PTPRG: variants seen among roughly 807,000 people sequenced by gnomAD.
PTPRG encodes the protein receptor-type tyrosine-protein phosphatase gamma.
A neutral mutation model predicts 165.3 loss-of-function variants in PTPRG; 102 were observed. The observed-to-expected ratio is 0.62, with a 90% CI of 0.53 to 0.73. PTPRG has a LOEUF of 0.73. Ranked by LOEUF, PTPRG falls within the 30% of genes least tolerant of loss-of-function variation. The pLI is 0.00. For missense variants in PTPRG, 1,866 were observed against 1,861.4 expected (o/e 1.00, Z -0.05); for synonymous variants, 675 against 669.5 (o/e 1.01, Z -0.13).
intron 2 of PTPRG, among the ~76,000 whole-genome samples, chr3:61,930,164 A>G (rs1385546641): frequency 6.6e-6 from 1 of 152,094 alleles, no homozygotes; most frequent in Non-Finnish European, 1.5e-5. Flanking sequence ...CACTGTATCT[A>G]TAAATACAGC....
intron 2 of PTPRG, among the ~76,000 whole-genome samples, chr3:61,752,420 G>A (rs1033813762): frequency 6.6e-6 from 1 of 152,078 alleles, no homozygotes; most frequent in Non-Finnish European, 1.5e-5. Context: ...CAGTAATGTT[G>A]AATATCTAGT....
chr3:61,816,738 G>C (rs893238911), intron 2 of PTPRG, among the ~76,000 whole-genome samples: 4 of 151,748 alleles, frequency 2.6e-5, no homozygotes, highest in African/African-American at 9.7e-5. Context: ...CAGCGGTCTT[G>C]ATGAGATATG....
At chr3:62,055,303 T>TA (rs1700597650) in intron 4 of PTPRG, among the ~76,000 whole-genome samples, 1 of 152,154 alleles carries the variant, frequency 6.6e-6, no homozygotes, top group South Asian at 2.1e-4. Flanking sequence ...CAAAATGTGT[T>TA]AAAAAATGTA....
At chr3:62,174,448 T>C (rs1051144677) in intron 8 of PTPRG, among the ~76,000 whole-genome samples, 13 of 152,234 alleles carry the variant, frequency 8.5e-5, no homozygotes, top group African/African-American at 3.1e-4. Context: ...TTTTTGCCTC[T>C]GCTGATGGAG....
Position 62,271,609 on chromosome 3 carries a change from A to T in PTPRG, c.3182+54A>T. 1 of 1,520,874 alleles carries T rather than the reference A, an allele frequency of 6.6e-7. No individual in the cohort carries two copies. Among genetic ancestry groups the T allele is most frequent in the Non-Finnish European group, 8.9e-7 (1 of 1,119,892 alleles). 94.2% of individuals were successfully genotyped at this position (1,520,874 alleles called of 1,614,324 possible). A position where few individuals can be genotyped will look rare whatever the true frequency, so the allele number is the denominator to read the frequency against. ...AGATGGGGCAGGGGACTTAGGCCTC[A>T]GTGACCTTGGACCACAATGATTGCT... On this transcript the variant is annotated intron_variant, in intron 21 of 29. Coordinates refer to ENST00000474889, the MANE Select transcript of PTPRG (RefSeq NM_002841.4). The surrounding 1 kb of genome is among the most constrained non-coding windows in gnomAD (Gnocchi z 4.1).
At chr3:61,910,095 A>T (rs2038762080) in intron 2 of PTPRG, among the ~76,000 whole-genome samples, 1 of 151,992 alleles carries the variant, frequency 6.6e-6, no homozygotes, top group African/African-American at 2.4e-5. Context: ...GATATATCTC[A>T]TTATGCTGTT....
chr3:61,703,588 A>G (rs2031092536), intron 1 of PTPRG, among the ~76,000 whole-genome samples: 1 of 152,172 alleles, frequency 6.6e-6, no homozygotes, highest in Non-Finnish European at 1.5e-5. Flanking sequence ...GGCCTTGGGA[A>G]GGCCACTTAG....
intron 4 of PTPRG, among the ~76,000 whole-genome samples, chr3:62,024,469 T>C (rs1042220919): frequency 2.8e-4 from 43 of 152,222 alleles, no homozygotes; most frequent in Non-Finnish European, 4.9e-4. Context: ...TATTTGACAC[T>C]GCTACTGTGA....
intron 1 of PTPRG, among the ~76,000 whole-genome samples, chr3:61,745,682 A>G (rs2033170957): frequency 2.0e-5 from 3 of 152,202 alleles, no homozygotes. Context: ...TTAGACAGGC[A>G]GTCCTGTTGC....
intron 1 of PTPRG, among the ~76,000 whole-genome samples, chr3:61,678,126 C>G (rs146584221): frequency 6.6e-6 from 1 of 152,074 alleles, no homozygotes; most frequent in Non-Finnish European, 1.5e-5. Context: ...CAGCTCAGCT[C>G]GTGCTGTTTC....
intron 2 of PTPRG, among the ~76,000 whole-genome samples, chr3:61,792,876 G>GTGC (rs2034930332): frequency 6.6e-6 from 1 of 151,904 alleles, no homozygotes; most frequent in South Asian, 2.1e-4. Context: ...CTACAGGCAC[G>GTGC]TGCCACCACG....
At chr3:62,000,010 C>T (rs141090076) in intron 3 of PTPRG, among the ~76,000 whole-genome samples, 1 of 152,138 alleles carries the variant, frequency 6.6e-6, no homozygotes, top group African/African-American at 2.4e-5. Flanking sequence ...GATCTCCCCC[C>T]CAGGCCCGGG....
intron 1 of PTPRG, among the ~76,000 whole-genome samples, chr3:61,646,844 C>T (rs554762950): frequency 1.3e-5 from 2 of 152,222 alleles, no homozygotes; most frequent in East Asian, 1.9e-4. Flanking sequence ...ATTGTTATTT[C>T]GAGAATGTCA....
rs1360612364 is a variant in PTPRG at position 61,595,520 on chromosome 3, T to A, written c.85+33148T>A. 2.0e-5 allele frequency among the ~76,000 whole-genome samples: 3 copies of A among 152,348 alleles called. No homozygotes were observed. In the East Asian group the frequency reaches 5.8e-4, roughly 29 times the overall value. ...CAAAGGAGGCATTTCCTGTGACTGC[T>A]TGAGAGAAGGTGGTAGAGAATTTCA... On this transcript the variant is annotated intron_variant, in intron 1 of 29. Transcript: ENST00000474889.
At chr3:61,674,330 A>G (rs796750484) in intron 1 of PTPRG, among the ~76,000 whole-genome samples, 2 of 151,784 alleles carry the variant, frequency 1.3e-5, no homozygotes, top group African/African-American at 4.8e-5. Flanking sequence ...CTGTTACCTA[A>G]TGTGTTTAAA....
intron 6 of PTPRG, among the ~76,000 whole-genome samples, chr3:62,144,937 C>G (rs915965763): frequency 6.6e-6 from 1 of 151,962 alleles, no homozygotes; most frequent in Non-Finnish European, 1.5e-5. Context: ...AATATTTTAT[C>G]GTTTGAACAG....
chr3:62,169,126 G>T (rs1038096503), intron 8 of PTPRG, among the ~76,000 whole-genome samples: 1 of 152,074 alleles, frequency 6.6e-6, no homozygotes, highest in African/African-American at 2.4e-5. Flanking sequence ...AGGATAGCGG[G>T]ATATGGCGGG....
intron 14 of PTPRG, among the ~76,000 whole-genome samples, chr3:62,231,783 T>C (rs1476081522): frequency 1.3e-5 from 2 of 151,922 alleles, no homozygotes. Flanking sequence ...TGAGCAAACA[T>C]GGATGTACTA....
In PTPRG at chr3:61,865,637, C is replaced by T. The variant is rs544493215; in HGVS notation, c.190+116655C>T. The stretch of plus-strand genomic sequence containing the variant: ...TCTTGGCCTTGGTCTCTCCACCTGC[C>T]GACAGGGCAGGTGGCAGCAAGCTGC... On this transcript the variant is annotated intron_variant, in intron 2 of 29. Transcript: ENST00000474889. 5.2e-4 allele frequency among the ~76,000 whole-genome samples: 79 copies of T among 152,238 alleles called. 1 individual carries two copies. The highest frequency in any genetic ancestry group is 6.8e-3 in the Middle Eastern group (2 of 294).
Sources: allele counts gnomAD v4.1 joint callset (sites outside exome capture counted in the v4.1 genomes callset), GRCh38; gene constraint gnomAD v4.1.1; non-coding constraint Gnocchi (gnomAD v3.1); transcripts MANE v1.5; gene names NCBI Gene and HGNC (gene_info 2026-07-23, HGNC 2026-07-21).